Variants in MFRP observed in about 807,000 individuals in gnomAD.
MFRP encodes the protein C1q and TNF related 5.
MFRP carries 74 observed loss-of-function variants against 65.8 expected under a neutral mutation model. The observed-to-expected ratio is 1.12, with a 90% CI of 0.93 to 1.36. The LOEUF is 1.36. MFRP is among the 40% of genes most tolerant of loss of function. The probability of loss-of-function intolerance (pLI) is 0.00; values close to 1 mark genes in which losing one functional copy is unlikely to be tolerated. For missense variants in MFRP, 838 were observed against 736.0 expected, an observed-to-expected ratio of 1.14 and a Z score of -1.60; for synonymous variants, 336 against 288.3, an observed-to-expected ratio of 1.17 and a Z score of -1.68.
rs1010647072 is a variant in MFRP, at chr11:119,344,018, G to A, written c.976-54C>T. 11 of 1,605,210 alleles carry A rather than the reference G, an allele frequency of 6.9e-6. No homozygotes were observed. The East Asian group carries it at 1.1e-4, about 16-fold the overall frequency. On this transcript the variant is annotated intron_variant, in intron 8 of 14. Coordinates refer to ENST00000619721, the MANE Select transcript of MFRP (RefSeq NM_031433.4). ...ATGGCCCCTTCTCCTGTCTCATCCC[G>A]GGCACCCAGAAGGGTCTTCTTCCCC...
At position 119,339,377 on chromosome 11, in the gene MFRP, C is replaced by G. The variant is rs753740836; in HGVS notation, c.*1582G>C. On this transcript the variant is annotated 3_prime_UTR_variant, in exon 15 of 15. Coordinates refer to ENST00000619721, the MANE Select transcript of MFRP (RefSeq NM_031433.4). This position sits in a 1 kb window ranked among gnomAD's most constrained non-coding sequence, Gnocchi z 5.4. ...GTGCCAGTCGGAGTACACCAGAAAT[C>G]CGGAGAAGGTGCTGTCTGTCTTGAT... is the stretch of plus-strand genomic sequence containing the variant. 6 of 1,612,914 alleles carry G rather than the reference C, an allele frequency of 3.7e-6. No individual in the cohort carries two copies. Among genetic ancestry groups the G allele is most frequent in the Non-Finnish European group, 5.1e-6 (6 of 1,179,222 alleles).
Position 119,345,465 on chromosome 11 carries a change from A to G in MFRP, c.596T>C (p.Phe199Ser), listed in dbSNP as rs150822576. 4.3e-6 allele frequency: 7 copies of G among 1,613,948 alleles called. No homozygotes were observed. The African/African-American group carries it at 8.0e-5, about 18-fold the overall frequency. Residue 199 changes from phenylalanine to serine, a missense_variant, in exon 5 of 15, where the codon TTT becomes TCT. Phe to Ser is a radical substitution (Grantham distance 155). Transcript: ENST00000619721. ...CTCAGGGGAGAGTTCCAAGCGATCA[A>G]AAAGGCAAGAGGCCACACTCTCTAT... ...LSIESVASCLFDRLELSPEPE... is the reference protein window; with the variant it reads ...LSIESVASCLSDRLELSPEPE...
At position 119,339,142 on chromosome 11, in the gene MFRP, A is replaced by G. The variant is rs1950469334; in HGVS notation, c.*1817T>C. ...TGGGCAGAAATCCAGCCACTGCCCCATGCTGCCAGACCTGATCGCAGACAG... is the reference window on the plus strand; with the variant it reads ...TGGGCAGAAATCCAGCCACTGCCCCGTGCTGCCAGACCTGATCGCAGACAG... On this transcript the variant is annotated 3_prime_UTR_variant, in exon 15 of 15. Transcript: ENST00000619721. The surrounding 1 kb of genome is among the most constrained non-coding windows in gnomAD (Gnocchi z 5.4). The G allele has an allele frequency of 1.5e-6, 1 of 654,600 alleles. No individual in the cohort carries two copies. The highest frequency in any genetic ancestry group is 1.8e-5 in the African/African-American group (1 of 54,936). 40.5% of individuals were successfully genotyped at this position (654,600 alleles called of 1,614,324 possible). A position where few individuals can be genotyped will look rare whatever the true frequency, so the allele number is the denominator to read the frequency against.
chr11:119,345,340 T>C, intron 5 of MFRP, 80 bp downstream of exon 5: 1 of 1,443,204 alleles, frequency 6.9e-7, no homozygotes. Context: ...GGTTAGCCCT[T>C]CTCCCTGCCA....
At position 119,346,139 on chromosome 11, in the gene MFRP, G is replaced by A. The variant is rs771937766; in HGVS notation, c.178C>T (p.Arg60Trp). ...AGCCAGGAGAAGCGGCAGTCTGGCC[G>A]TAGCCCTCGAGGACGCCGACCTGCG... ...PWHGRRPRGL[R>W]PDCRFSWLCV... Residue 60 changes from arginine (R) to tryptophan (W), a missense_variant, in exon 3 of 15, where the codon CGG (arginine) becomes TGG (tryptophan). Arg to Trp is a moderately radical substitution (Grantham distance 101). Coordinates refer to ENST00000619721, the MANE Select transcript of MFRP (RefSeq NM_031433.4). The A allele has an allele frequency of 1.8e-5, 29 of 1,598,572 alleles. No individual in the cohort carries two copies. Among genetic ancestry groups the A allele is most frequent in the African/African-American group, 1.7e-4 (13 of 74,656 alleles).
intron 5 of MFRP, among the ~76,000 whole-genome samples, 189 bp from the exon 6 acceptor site, chr11:119,345,193 A>T (rs1405580778): frequency 6.6e-6 from 1 of 152,128 alleles, no homozygotes; most frequent in Non-Finnish European, 1.5e-5. Flanking sequence ...TGTAGCATCT[A>T]CTCATGGGGA....
intron 9 of MFRP, among the ~76,000 whole-genome samples, 168 bp from the exon 10 acceptor site, chr11:119,343,171 G>A (rs1488654548): frequency 1.3e-5 from 2 of 152,200 alleles, no homozygotes; most frequent in Non-Finnish European, 2.9e-5. Context: ...AACAGGGAAA[G>A]CATTAAACAA....
intron 1 of MFRP, 39 bp downstream of exon 1, chr11:119,346,421 G>A: frequency 6.2e-7 from 1 of 1,610,304 alleles, no homozygotes; most frequent in African/African-American, 1.3e-5. Flanking sequence ...GTGACCACTG[G>A]TGCTGGGTCT....
chr11:119,343,746 C>T, intron 9 of MFRP, 70 bp downstream of exon 9: 1 of 1,589,648 alleles, frequency 6.3e-7, no homozygotes. Context: ...ATGTGCTGGG[C>T]CGACATGGAA....
chr11:119,339,965 C>G lies in MFRP; in HGVS notation c.*1111-117G>C. ...CCTGCCTGAGCTTCGGCCAGCGCCTCCTCCCGCACGGGTACCTCCTCCACC... is the reference window on the plus strand; with the variant it reads ...CCTGCCTGAGCTTCGGCCAGCGCCTGCTCCCGCACGGGTACCTCCTCCACC... On this transcript the variant is annotated intron_variant, in intron 14 of 14. Transcript: ENST00000619721. This position sits in a 1 kb window ranked among gnomAD's most constrained non-coding sequence, Gnocchi z 5.4. 7.4e-7 allele frequency: 1 copy of G among 1,353,706 alleles called. No homozygotes were observed. The highest frequency in any genetic ancestry group is 1.6e-5 in the South Asian group (1 of 63,720). 83.9% of individuals were successfully genotyped at this position (1,353,706 alleles called of 1,614,324 possible).
chr11:119,342,807 A>G (rs1950516365), intron 10 of MFRP, 66 bp downstream of exon 10: 3 of 1,612,982 alleles, frequency 1.9e-6, no homozygotes, highest in African/African-American at 2.7e-5. Context: ...ACCAGGGTCC[A>G]GAGCCCTTGT....
At position 119,338,947 on chromosome 11, in the gene MFRP, T is replaced by G. The variant is rs1591298689; in HGVS notation, c.*2012A>C. On this transcript the variant is annotated 3_prime_UTR_variant, in exon 15 of 15. Transcript: ENST00000619721. ...AGAAAGGCTGGAGCCGGTAGGAGGG[T>G]TCTTAGGTTTATTGAGTGATCTCTG... 21 of 172,310 alleles carry G rather than the reference T, an allele frequency of 1.2e-4. No individual in the cohort carries two copies. Among genetic ancestry groups the G allele is most frequent in the Admixed American group, 5.0e-4 (8 of 16,082 alleles). The allele number at this position is 172,310 out of a possible 1,614,324, so 10.7% of individuals were successfully genotyped here.
At position 119,345,441 on chromosome 11, in the gene MFRP, T is replaced by C; in HGVS notation, c.620A>G (p.Glu207Gly). 1 of 1,613,930 alleles carries C rather than the reference T, an allele frequency of 6.2e-7. No individual in the cohort carries two copies. The highest frequency in any genetic ancestry group is 8.5e-7 in the Non-Finnish European group (1 of 1,180,022). Residue 207 changes from glutamate (E) to glycine (G), a missense_variant, in exon 5 of 15, where the codon GAG (glutamate) becomes GGG (glycine). Transcript: ENST00000619721. Reference sequence around the variant, plus strand: ...CTACCTGAGGAGGGGGCCTTCAGGCTCAGGGGAGAGTTCCAAGCGATCAAA... The same window carrying C: ...CTACCTGAGGAGGGGGCCTTCAGGCCCAGGGGAGAGTTCCAAGCGATCAAA... Reference protein sequence around the residue: ...CLFDRLELSPEPEGPLLRVCG... With the variant: ...CLFDRLELSPGPEGPLLRVCG...
At chr11:119,344,095 G>C in intron 8 of MFRP, 131 bp from the exon 9 acceptor site, 1 of 1,237,424 alleles carries the variant, frequency 8.1e-7, no homozygotes, top group Non-Finnish European at 1.2e-6. Context: ...TGGTTCTTAA[G>C]GACCTTTAAT....
rs370338294 is a variant in MFRP at position 119,341,667 on chromosome 11, C to T, written c.1621G>A (p.Val541Ile). The change falls in exon 13 of 15, where the codon GTC (valine) becomes ATC (isoleucine). Residue 541 changes from valine (V) to isoleucine (I), a missense_variant. Physicochemically the swap from Val to Ile is conservative, Grantham distance 29 (BLOSUM62 3). Transcript: ENST00000619721. ...CACTGGTGCTCCGCTTCCTGGCAGA[C>T]AGAGCGGCAAGGGGGCAGAACACTG... is the stretch of plus-strand genomic sequence containing the variant. ...LGSVLPPCRS[V>I]CQEAEHQCQS... The T allele has an allele frequency of 6.2e-7, 1 of 1,612,944 alleles. No individual in the cohort carries two copies. The highest frequency in any genetic ancestry group is 8.5e-7 in the Non-Finnish European group (1 of 1,180,038).
Position 119,341,933 on chromosome 11 carries a change from T to C in MFRP, c.1439A>G (p.Asn480Ser). 1 of 1,613,884 alleles carries C rather than the reference T, an allele frequency of 6.2e-7. No individual in the cohort carries two copies. Among genetic ancestry groups the C allele is most frequent in the Non-Finnish European group, 8.5e-7 (1 of 1,179,996 alleles). ...QVEMCLGLSY[N>S]TTAFPNIWVG... ...CCAGATGTTAGGGAAGGCTGTGGTG[T>C]TGTAGCTCAGACCGAGGCACATCTC... The change falls in exon 12 of 15, where the codon AAC becomes AGC. Residue 480 changes from asparagine to serine, a missense_variant. Physicochemically the swap from Asn to Ser is conservative, Grantham distance 46. Transcript: ENST00000619721.
Position 119,342,911 on chromosome 11 carries a change from C to T in MFRP, c.1217G>A (p.Gly406Asp), listed in dbSNP as rs779992611. The change falls in exon 10 of 15, where the codon GGC (glycine) becomes GAC (aspartate). Residue 406 changes from glycine to aspartate, a missense_variant. By Grantham distance (94) the Gly-to-Asp change is moderately conservative. Transcript: ENST00000619721. Reference protein sequence around the residue: ...FRTDHGISSGGFSATYLAFNA... With the variant: ...FRTDHGISSGDFSATYLAFNA... ...GAAGGCCAGGTAGGTGGCTGAGAAG[C>T]CTCCACTGCTGATGCCATGATCTGT... is the stretch of plus-strand genomic sequence containing the variant. 2 of 1,613,054 alleles carry T rather than the reference C, an allele frequency of 1.2e-6. No individual in the cohort carries two copies. The highest frequency in any genetic ancestry group is 1.7e-6 in the Non-Finnish European group (2 of 1,179,908).
At chr11:119,344,288 C>T (rs899880809) in intron 8 of MFRP, 27 bp downstream of exon 8, 5 of 1,607,446 alleles carry the variant, frequency 3.1e-6, no homozygotes, top group Non-Finnish European at 4.3e-6. Context: ...TGTGCCCCTC[C>T]CGTTCTGCAT....
chr11:119,341,516 G>C lies in MFRP; in HGVS notation c.*32C>G. On this transcript the variant is annotated 3_prime_UTR_variant, in exon 13 of 15. Coordinates refer to ENST00000619721, the MANE Select transcript of MFRP (RefSeq NM_031433.4). Reference sequence around the variant, plus strand: ...CCAGCCCTGACCGGCAAAAGAGGACGGGCAGGAAGAGGGCAGGGGCCGGCT... The same window carrying C: ...CCAGCCCTGACCGGCAAAAGAGGACCGGCAGGAAGAGGGCAGGGGCCGGCT... 1 of 1,572,804 alleles carries C rather than the reference G, an allele frequency of 6.4e-7. No homozygotes were observed. The highest frequency in any genetic ancestry group is 1.1e-5 in the South Asian group (1 of 90,032).
Sources: allele counts gnomAD v4.1 joint callset (sites outside exome capture counted in the v4.1 genomes callset), GRCh38; gene constraint gnomAD v4.1.1; non-coding constraint Gnocchi (gnomAD v3.1); transcripts MANE v1.5; gene names NCBI Gene and HGNC (gene_info 2026-07-23, HGNC 2026-07-21).